The following FER1L6 variants were observed in gnomAD, a reference collection of about 807,000 sequenced individuals.
The protein encoded by FER1L6 is fer-1 like family member 6.
A neutral mutation model predicts 219.2 loss-of-function variants in FER1L6; 177 were observed. The ratio of observed to expected loss-of-function variants is 0.81; its 90% CI spans 0.71 to 0.91. FER1L6 has a LOEUF of 0.91. Ranked by LOEUF, FER1L6 falls within the 40% of genes least tolerant of loss-of-function variation. The pLI is 0.00. For missense variants in FER1L6, 2,153 were observed against 2,259.9 expected (o/e 0.95, Z 0.96); for synonymous variants, 768 against 824.3 (o/e 0.93, Z 1.17).
chr8:124,021,721 C>T (rs749831209), intron 17 of FER1L6, 52 bp downstream of exon 17: 1 of 1,603,566 alleles, frequency 6.2e-7, no homozygotes, highest in East Asian at 2.2e-5. Flanking sequence ...GGAATGTCTT[C>T]CAGGGAGGTT....
At chr8:123,963,162 CT>C in intron 2 of FER1L6, 115 bp from the exon 3 acceptor site, 1 of 1,339,470 alleles carries the variant, frequency 7.5e-7, no homozygotes, top group Non-Finnish European at 1.0e-6. Context: ...CAGAGTCTGT[CT>C]TCTAGTCTCT....
intron 1 of FER1L6, among the ~76,000 whole-genome samples, chr8:123,878,898 C>T (rs1169253755): frequency 6.6e-6 from 1 of 152,136 alleles, no homozygotes; most frequent in Admixed American, 6.5e-5. Flanking sequence ...TTAATAGATT[C>T]CAGCTCTATT....
Position 124,069,352 on chromosome 8 carries a change from A to G in FER1L6, c.3719-8A>G, listed in dbSNP as rs555554872. 3 of 1,601,558 alleles carry G rather than the reference A, an allele frequency of 1.9e-6. No homozygotes were observed. The highest frequency in any genetic ancestry group is 4.5e-5 in the East Asian group (2 of 44,658). ...ATGAGAAACCTAATTTCTGCTGAAT[A>G]TCCACAGAGGCAAAGCCAGATGAGG... On this transcript the variant is annotated splice_polypyrimidine_tract_variant and splice_region_variant and intron_variant, in intron 28 of 40. Coordinates refer to ENST00000522917, the MANE Select transcript of FER1L6 (RefSeq NM_001039112.2).
intron 1 of FER1L6, among the ~76,000 whole-genome samples, chr8:123,934,024 C>T (rs545236330): frequency 6.6e-6 from 1 of 152,186 alleles, no homozygotes; most frequent in Admixed American, 6.5e-5. Flanking sequence ...CCAAATAATT[C>T]ATTATTCATC....
intron 1 of FER1L6, among the ~76,000 whole-genome samples, chr8:123,857,898 T>C (rs1466891324): frequency 6.6e-6 from 1 of 152,232 alleles, no homozygotes; most frequent in Non-Finnish European, 1.5e-5. Context: ...TGGGGACTGA[T>C]AAACTCTCCA....
chr8:123,982,373 G>A (rs1415447617), intron 11 of FER1L6, among the ~76,000 whole-genome samples: 1 of 152,170 alleles, frequency 6.6e-6, no homozygotes, highest in African/African-American at 2.4e-5. Context: ...GAAGACACTT[G>A]AAGCAGATTC....
At chr8:123,944,535 A>C (rs1282582746) in intron 1 of FER1L6, among the ~76,000 whole-genome samples, 1 of 151,820 alleles carries the variant, frequency 6.6e-6, no homozygotes, top group African/African-American at 2.4e-5. Context: ...ATTTTCTTTC[A>C]TATGCCAGGA....
chr8:123,864,747 A>G (rs1410589981), intron 1 of FER1L6, among the ~76,000 whole-genome samples: 1 of 149,284 alleles, frequency 6.7e-6, no homozygotes, highest in Admixed American at 6.6e-5. Flanking sequence ...TCCATTGCTG[A>G]TACCCTTTCT....
At chr8:124,036,363 G>A (rs1305331278) in intron 19 of FER1L6, 7 of 152,184 alleles carry the variant, frequency 4.6e-5, no homozygotes, top group East Asian at 1.9e-4. Context: ...ATATAAATGC[G>A]TAAGAGCATT....
intron 15 of FER1L6, among the ~76,000 whole-genome samples, chr8:124,015,178 G>A (rs1204011776): frequency 6.6e-6 from 1 of 152,040 alleles, no homozygotes; most frequent in East Asian, 1.9e-4. Flanking sequence ...CCTAGTCTTG[G>A]AAGTGACAGC....
At chr8:123,943,802 T>C (rs186825969) in intron 1 of FER1L6, among the ~76,000 whole-genome samples, 1 of 152,100 alleles carries the variant, frequency 6.6e-6, no homozygotes, top group African/African-American at 2.4e-5. Flanking sequence ...TGGGCCATCA[T>C]GGATGAGGAT....
At chr8:123,998,024 G>T (rs1305507295) in intron 12 of FER1L6, among the ~76,000 whole-genome samples, 2 of 152,120 alleles carry the variant, frequency 1.3e-5, no homozygotes, top group Admixed American at 6.5e-5. Context: ...TATTTAGTTT[G>T]CCTGGTGAGC....
In FER1L6 at chr8:123,866,048, G is replaced by T. The variant is rs191436987; in HGVS notation, c.-8+13863G>T. 7.5e-3 allele frequency among the ~76,000 whole-genome samples: 1,141 copies of T among 151,756 alleles called. 32 individuals carry two copies. Among genetic ancestry groups the T allele is most frequent in the African/African-American group, 0.027 (1,104 of 41,032 alleles). On this transcript the variant is annotated intron_variant, in intron 1 of 40. Coordinates refer to ENST00000522917, the MANE Select transcript of FER1L6 (RefSeq NM_001039112.2). Reference sequence around the variant, plus strand: ...CCAGTCTATCACTGTTGGACATTTGGGTTGGTTCCAAGTCTTTGCTATTGT... The same window carrying T: ...CCAGTCTATCACTGTTGGACATTTGTGTTGGTTCCAAGTCTTTGCTATTGT...
intron 6 of FER1L6, among the ~76,000 whole-genome samples, chr8:123,972,877 A>G (rs1815885340): frequency 6.6e-6 from 1 of 152,086 alleles, no homozygotes; most frequent in South Asian, 2.1e-4. Flanking sequence ...GAACTTCCTC[A>G]TCTTGAGAGC....
rs1381139976 is a variant in FER1L6 at position 123,877,905 on chromosome 8, C to T, written c.-8+25720C>T. 5.3e-5 allele frequency among the ~76,000 whole-genome samples: 8 copies of T among 151,736 alleles called. No homozygotes were observed. In the East Asian group the frequency reaches 5.8e-4, roughly 11 times the overall value. ...AATTATTGCGGTTCTTTACTGAAGT[C>T]GATTTATCGTTCTAAATACAAGGAA... is the stretch of plus-strand genomic sequence containing the variant. On this transcript the variant is annotated intron_variant, in intron 1 of 40. Coordinates refer to ENST00000522917, the MANE Select transcript of FER1L6 (RefSeq NM_001039112.2).
rs370235885 is a variant in FER1L6, at chr8:124,060,713, C to G, written c.3147+4C>G. 1.9e-6 allele frequency: 3 copies of G among 1,612,358 alleles called. No homozygotes were observed. The highest frequency in any genetic ancestry group is 1.3e-5 in the African/African-American group (1 of 75,008). Reference sequence around the variant, plus strand: ...CCAGGCAGACGCTTTCGAAGTGGTGCGAGCTTCTCACTCTCCCGACCTGGC... The same window carrying G: ...CCAGGCAGACGCTTTCGAAGTGGTGGGAGCTTCTCACTCTCCCGACCTGGC... On this transcript the variant is annotated splice_donor_region_variant and intron_variant, in intron 24 of 40. Transcript: ENST00000522917.
At chr8:123,978,479 C>T (rs986020041) in intron 10 of FER1L6, among the ~76,000 whole-genome samples, 4 of 152,110 alleles carry the variant, frequency 2.6e-5, no homozygotes, top group Non-Finnish European at 5.9e-5. Context: ...TTATATGGCT[C>T]TTTATTTGCA....
chr8:123,990,355 A>T (rs1563728774), intron 12 of FER1L6, among the ~76,000 whole-genome samples: 1 of 152,214 alleles, frequency 6.6e-6, no homozygotes, highest in Non-Finnish European at 1.5e-5. Context: ...GTCTGTAAGC[A>T]TTCCCTTTTC....
chr8:124,108,106 T>C (rs1339522737), intron 39 of FER1L6, among the ~76,000 whole-genome samples: 1 of 152,196 alleles, frequency 6.6e-6, no homozygotes, highest in Admixed American at 6.5e-5. Context: ...GCACCTGTAG[T>C]CTCAGCTACT....
Sources: gnomAD v4.1 joint callset for allele counts (sites outside exome capture counted in the v4.1 genomes callset) on GRCh38, gnomAD v4.1.1 for gene constraint, MANE v1.5 for transcripts, NCBI Gene and HGNC (gene_info 2026-07-23, HGNC 2026-07-21) for gene names.